The following TTC33 variants were observed in gnomAD, a reference collection of about 807,000 sequenced individuals.
TTC33 encodes tetratricopeptide repeat domain 33.
TTC33 carries 24 observed loss-of-function variants against 29.4 expected under a neutral mutation model. The observed-to-expected ratio is 0.82, with a 90% CI of 0.59 to 1.15. TTC33 has a LOEUF of 1.15. TTC33 is among the 50% of genes most tolerant of loss of function. The probability of loss-of-function intolerance (pLI) is 0.00; values close to 1 mark genes in which losing one functional copy is unlikely to be tolerated. For missense variants in TTC33, 286 were observed against 310.4 expected (o/e 0.92, Z 0.59); for synonymous variants, 107 against 100.3 (o/e 1.07, Z -0.40).
intron 1 of TTC33, among the ~76,000 whole-genome samples, chr5:40,752,663 T>C (rs249425): frequency 0.68 from 103,953 of 152,058 alleles, 35,582 homozygotes; most frequent in East Asian, 0.8. Flanking sequence ...CAACCCAAAA[T>C]GATTACAATT....
chr5:40,736,431 A>T (rs1742552974), intron 2 of TTC33, among the ~76,000 whole-genome samples: 1 of 152,218 alleles, frequency 6.6e-6, no homozygotes, highest in African/African-American at 2.4e-5. Flanking sequence ...CATACAACTG[A>T]TTCTAACAGA....
intron 4 of TTC33, among the ~76,000 whole-genome samples, chr5:40,722,278 T>C (rs1352754890): frequency 6.6e-6 from 1 of 152,134 alleles, no homozygotes; most frequent in Non-Finnish European, 1.5e-5. Flanking sequence ...CCCAGCCGCC[T>C]GCCTTGGCCT....
At chr5:40,730,159 A>G (rs1159879579) in intron 3 of TTC33, 103 bp downstream of exon 3, 3 of 863,108 alleles carry the variant, frequency 3.5e-6, no homozygotes, top group Non-Finnish European at 5.4e-6. Flanking sequence ...CCGTATTTGT[A>G]AAAGAAAATG....
chr5:40,726,200 T>C (rs1008949048), intron 4 of TTC33, among the ~76,000 whole-genome samples: 2 of 140,140 alleles, frequency 1.4e-5, no homozygotes, highest in African/African-American at 5.6e-5. Flanking sequence ...ATGTATACCA[T>C]ATACATACAT....
intron 2 of TTC33, among the ~76,000 whole-genome samples, chr5:40,740,873 G>C (rs780246028): frequency 3.5e-4 from 53 of 152,142 alleles, no homozygotes; most frequent in Non-Finnish European, 5.1e-4. Context: ...ACCCAGACTA[G>C]CATAACTGTT....
At chr5:40,717,228 T>TCAAAAAA (rs1742020454) in intron 4 of TTC33, among the ~76,000 whole-genome samples, 2 of 24,552 alleles carry the variant, frequency 8.1e-5, no homozygotes, top group Non-Finnish European at 1.7e-4. Flanking sequence ...AAACTCCATC[T>TCAAAAAA]CAAAAAAAAA....
chr5:40,749,980 C>T (rs1742864179), intron 1 of TTC33, among the ~76,000 whole-genome samples: 1 of 151,564 alleles, frequency 6.6e-6, no homozygotes, highest in African/African-American at 2.4e-5. Context: ...CCCAGCTATT[C>T]AGGAGGCTAA....
At chr5:40,746,647 C>A in intron 2 of TTC33, 151 bp downstream of exon 2, 3 of 614,576 alleles carry the variant, frequency 4.9e-6, no homozygotes, top group Non-Finnish European at 7.9e-6. Context: ...TTTCAGGTGA[C>A]TTTGAAACAC....
rs1447001915 is a variant in TTC33 at position 40,717,755 on chromosome 5, A to G, written c.436-1257T>C. On this transcript the variant is annotated intron_variant, in intron 4 of 4. Transcript: ENST00000337702. Reference sequence around the variant, plus strand: ...CTGGATAGAAGATTCTCATGCAAACAGATTAGTTTTAAGATTGCACTTAAT... The same window carrying G: ...CTGGATAGAAGATTCTCATGCAAACGGATTAGTTTTAAGATTGCACTTAAT... 2.0e-5 allele frequency among the ~76,000 whole-genome samples: 3 copies of G among 152,346 alleles called. No individual in the cohort carries two copies. The East Asian group carries it at 5.8e-4, about 29-fold the overall frequency.
intron 1 of TTC33, among the ~76,000 whole-genome samples, chr5:40,750,305 C>T (rs1742871527): frequency 6.6e-6 from 1 of 152,066 alleles, no homozygotes; most frequent in South Asian, 2.1e-4. Flanking sequence ...CATGTTGGCT[C>T]ACGCCTGTAA....
At chr5:40,717,540 T>C (rs969240222) in intron 4 of TTC33, among the ~76,000 whole-genome samples, 13 of 152,226 alleles carry the variant, frequency 8.5e-5, no homozygotes, top group African/African-American at 3.1e-4. Flanking sequence ...GGCTGTCCTC[T>C]ATAATGTAGA....
chr5:40,747,053 T>A, intron 1 of TTC33, 34 bp from the exon 2 acceptor site: 1 of 1,558,510 alleles, frequency 6.4e-7, no homozygotes, highest in South Asian at 1.2e-5. Context: ...TTTAAAATTC[T>A]AACTTGATCT....
intron 2 of TTC33, among the ~76,000 whole-genome samples, chr5:40,730,615 C>CG (rs1742404659): frequency 6.6e-6 from 1 of 152,144 alleles, no homozygotes; most frequent in Non-Finnish European, 1.5e-5. Flanking sequence ...CCTCCACCCC[C>CG]GGGCAAACAC....
At position 40,739,936 on chromosome 5, in the gene TTC33, C is replaced by CT. The variant is rs565614622; in HGVS notation, c.221+6861dup. Among the ~76,000 whole-genome samples, 212 of 151,890 alleles carry CT rather than the reference C, an allele frequency of 1.4e-3. 1 individual carries two copies. The East Asian group carries it at 0.022, about 16-fold the overall frequency. On this transcript the variant is annotated intron_variant, in intron 2 of 4. Coordinates refer to ENST00000337702, the MANE Select transcript of TTC33 (RefSeq NM_012382.3). ...TTTGGGAATAATACTACAAATGGTG[C>CT]TTTTTTTTAAAAATAAAGTATTCAG...
At chr5:40,738,755 T>C (rs1415314443) in intron 2 of TTC33, among the ~76,000 whole-genome samples, 2 of 152,138 alleles carry the variant, frequency 1.3e-5, no homozygotes, top group African/African-American at 2.4e-5. Flanking sequence ...AACTAGGTAA[T>C]AGTATCTCAT....
chr5:40,735,658 T>C (rs1742533482), intron 2 of TTC33, among the ~76,000 whole-genome samples: 1 of 152,068 alleles, frequency 6.6e-6, no homozygotes, highest in Non-Finnish European at 1.5e-5. Context: ...ATTGTTGATC[T>C]GGAGAGCAAA....
chr5:40,719,564 A>C (rs1392048358), intron 4 of TTC33, among the ~76,000 whole-genome samples: 1 of 152,228 alleles, frequency 6.6e-6, no homozygotes, highest in Non-Finnish European at 1.5e-5. Flanking sequence ...TTGGGTATAA[A>C]GAGTGGAACT....
chr5:40,753,381 A>AAAGG (rs1205399269), intron 1 of TTC33, among the ~76,000 whole-genome samples: 1 of 151,714 alleles, frequency 6.6e-6, no homozygotes, highest in Non-Finnish European at 1.5e-5. Context: ...AAAAAGAAAG[A>AAAGG]AAGAAAGAAA....
intron 1 of TTC33, among the ~76,000 whole-genome samples, chr5:40,753,245 T>A (rs1194850605): frequency 6.6e-6 from 1 of 152,030 alleles, no homozygotes; most frequent in East Asian, 1.9e-4. Flanking sequence ...ATGCCTGTAA[T>A]CCCAGCTACT....
Sources: allele counts gnomAD v4.1 joint callset (sites outside exome capture counted in the v4.1 genomes callset), GRCh38; gene constraint gnomAD v4.1.1; transcripts MANE v1.5; gene names NCBI Gene and HGNC (gene_info 2026-07-23, HGNC 2026-07-21).